Variants in GAPDHS observed in about 807,000 individuals in gnomAD.
GAPDHS encodes glyceraldehyde-3-phosphate dehydrogenase, testis-specific.
A neutral mutation model predicts 48.7 loss-of-function variants in GAPDHS; 42 were observed. The observed-to-expected ratio is 0.86, with a 90% CI of 0.67 to 1.12. The LOEUF is 1.12. Among genes scored for constraint, GAPDHS ranks in the 50% most tolerant of loss-of-function variants. The pLI is 0.00. For missense variants in GAPDHS, 512 were observed against 557.7 expected, an observed-to-expected ratio of 0.92 and a Z score of 0.82; for synonymous variants, 166 against 219.1, an observed-to-expected ratio of 0.76 and a Z score of 2.14.
At chr19:35,537,153 G>C (rs2071471566) in intron 2 of GAPDHS, among the ~76,000 whole-genome samples, 163 bp downstream of exon 2, 1 of 152,220 alleles carries the variant, frequency 6.6e-6, no homozygotes, top group South Asian at 2.1e-4. Context: ...ATGCTCAGCA[G>C]CATGCTGGTG....
chr19:35,538,270 C>T (rs556643438), intron 2 of GAPDHS, 37 bp from the exon 3 acceptor site: 2 of 1,449,640 alleles, frequency 1.4e-6, no homozygotes, highest in African/African-American at 1.4e-5. Flanking sequence ...TCCATTACCC[C>T]CTTCTCTCCC....
At chr19:35,539,300 C>G (rs1020174013) in intron 4 of GAPDHS, among the ~76,000 whole-genome samples, 1 of 152,220 alleles carries the variant, frequency 6.6e-6, no homozygotes, top group Non-Finnish European at 1.5e-5. Flanking sequence ...TTGACCACTG[C>G]TGGTCAACTA....
At chr19:35,538,278 C>T (rs1335371845) in intron 2 of GAPDHS, 29 bp from the exon 3 acceptor site, 3 of 1,533,114 alleles carry the variant, frequency 2.0e-6, no homozygotes, top group African/African-American at 2.7e-5. Context: ...CCCCTTCTCT[C>T]CCATCCCTTC....
At position 35,545,150 on chromosome 19, in the gene GAPDHS, A is replaced by C. The variant is rs1188721606; in HGVS notation, c.1207A>C (p.Met403Leu). The C allele has an allele frequency of 6.2e-7, 1 of 1,613,834 alleles. No homozygotes were observed. Among genetic ancestry groups the C allele is most frequent in the East Asian group, 2.2e-5 (1 of 44,872 alleles). The change falls in exon 11 of 11, where the codon ATG becomes CTG. Residue 403 changes from methionine to leucine, a missense_variant. Coordinates refer to ENST00000222286, the MANE Select transcript of GAPDHS (RefSeq NM_014364.5). ...SHRVVDLLRYMFSRDK is the reference protein window; with the variant it reads ...SHRVVDLLRYLFSRDK The stretch of plus-strand genomic sequence containing the variant: ...CCGGGTGGTCGACCTCCTCCGCTAC[A>C]TGTTCAGCCGAGACAAGTGAAACGG...
intron 4 of GAPDHS, 39 bp downstream of exon 4, chr19:35,538,722 T>C (rs1412711349): frequency 1.6e-6 from 2 of 1,269,058 alleles, no homozygotes; most frequent in African/African-American, 1.5e-5. Context: ...CTGTGACATA[T>C]TGAGGCAGGG....
chr19:35,534,387 G>A (rs1479489072), intron 1 of GAPDHS, among the ~76,000 whole-genome samples: 1 of 152,190 alleles, frequency 6.6e-6, no homozygotes, highest in Non-Finnish European at 1.5e-5. Flanking sequence ...CATGAGACTT[G>A]AACCCCTGCC....
At chr19:35,536,520 A>G (rs1402998422) in intron 1 of GAPDHS, among the ~76,000 whole-genome samples, 3 of 151,964 alleles carry the variant, frequency 2.0e-5, no homozygotes, top group African/African-American at 4.8e-5. Flanking sequence ...AGGTTGCAGT[A>G]AGCCAAGATC....
chr19:35,536,627 A>C (rs1445893220), intron 1 of GAPDHS, among the ~76,000 whole-genome samples, 186 bp from the exon 2 acceptor site: 1 of 152,064 alleles, frequency 6.6e-6, no homozygotes, highest in African/African-American at 2.4e-5. Context: ...AATCTCCAGG[A>C]AAGAGCCCTT....
At chr19:35,536,389 G>A (rs1267350958) in intron 1 of GAPDHS, among the ~76,000 whole-genome samples, 1 of 151,786 alleles carries the variant, frequency 6.6e-6, no homozygotes, top group Non-Finnish European at 1.5e-5. Flanking sequence ...AGACCAGCCT[G>A]GCCAAGTGAA....
intron 2 of GAPDHS, among the ~76,000 whole-genome samples, chr19:35,537,302 T>C (rs1033510612): frequency 2.0e-5 from 3 of 152,144 alleles, no homozygotes; most frequent in Non-Finnish European, 2.9e-5. Context: ...GAAGGTGTCA[T>C]TGGAGCGGGA....
chr19:35,543,855 G>A (rs755760754), intron 9 of GAPDHS, 28 bp downstream of exon 9: 47 of 1,568,818 alleles, frequency 3.0e-5, no homozygotes, highest in South Asian at 2.3e-4. Flanking sequence ...GAGACCCTGG[G>A]AGGAGCCCTC....
At chr19:35,537,876 G>A (rs2071475841) in intron 2 of GAPDHS, among the ~76,000 whole-genome samples, 1 of 151,442 alleles carries the variant, frequency 6.6e-6, no homozygotes, top group South Asian at 2.1e-4. Context: ...AGGAGTTCGA[G>A]ACCAGCCTGG....
chr19:35,539,636 C>T (rs1175897587), intron 4 of GAPDHS, among the ~76,000 whole-genome samples: 4 of 152,074 alleles, frequency 2.6e-5, no homozygotes, highest in East Asian at 3.9e-4. Flanking sequence ...GCCTCCCCAG[C>T]GCCCCTCCCC....
intron 1 of GAPDHS, among the ~76,000 whole-genome samples, chr19:35,533,840 G>T (rs17705657): frequency 0.22 from 33,988 of 152,192 alleles, 3,961 homozygotes; most frequent in Non-Finnish European, 0.26. Flanking sequence ...CTATCACGCG[G>T]TAGAAAGAGC....
At chr19:35,540,208 A>G (rs139862973) in intron 4 of GAPDHS, among the ~76,000 whole-genome samples, 116 of 152,354 alleles carry the variant, frequency 7.6e-4, no homozygotes, top group South Asian at 2.9e-3. Context: ...CACTTCCCAC[A>G]AGGCCATGGC....
At chr19:35,538,743 T>A in intron 4 of GAPDHS, 60 bp downstream of exon 4, 1 of 1,065,266 alleles carries the variant, frequency 9.4e-7, no homozygotes, top group South Asian at 1.3e-5. Context: ...CATGTGGAGG[T>A]GGCTAAAATG....
At chr19:35,535,435 G>A (rs2071459376) in intron 1 of GAPDHS, among the ~76,000 whole-genome samples, 1 of 152,068 alleles carries the variant, frequency 6.6e-6, no homozygotes, top group Non-Finnish European at 1.5e-5. Flanking sequence ...GCCCAGGCTG[G>A]AGTGCAGTGG....
intron 1 of GAPDHS, 123 bp downstream of exon 1, chr19:35,533,717 G>A: frequency 1.5e-6 from 1 of 676,742 alleles, no homozygotes; most frequent in Non-Finnish European, 2.4e-6. Flanking sequence ...AGGGACCAGG[G>A]GATCAGCCGC....
At chr19:35,534,061 G>C (rs1305472929) in intron 1 of GAPDHS, among the ~76,000 whole-genome samples, 1 of 152,230 alleles carries the variant, frequency 6.6e-6, no homozygotes, top group Non-Finnish European at 1.5e-5. Context: ...TCGCAGGCGA[G>C]AGCTCAGGGA....
Sources: allele counts gnomAD v4.1 joint callset (sites outside exome capture counted in the v4.1 genomes callset), GRCh38; gene constraint gnomAD v4.1.1; transcripts MANE v1.5; gene names NCBI Gene and HGNC (gene_info 2026-07-23, HGNC 2026-07-21).